Variants in SIRPB2 observed in about 807,000 individuals in gnomAD.
SIRPB2 encodes the protein signal regulatory protein beta 2, also known as signal-regulatory protein beta-2.
In SIRPB2, 18 loss-of-function variants were observed where a neutral mutation model predicts 27.1. That is an observed-to-expected ratio of 0.66 (90% CI 0.46 to 0.98). The LOEUF is 0.98. Ranked by LOEUF, SIRPB2 falls within the 50% of genes least tolerant of loss-of-function variation. The pLI, the probability that SIRPB2 is intolerant of heterozygous loss-of-function variation, is 0.00. For missense variants in SIRPB2, 420 were observed against 417.4 expected (o/e 1.01, Z -0.06); for synonymous variants, 150 against 164.6 (o/e 0.91, Z 0.68).
rs2090596775 is a variant in SIRPB2 at position 1,475,232 on chromosome 20, A to AGAG, written c.*934_*935insCTC. ...GGCTAGCTAGCTGGGCATTGAACTC[A>AGAG]GGTGTCCCACAGGGCAGGTGAGAGG... On this transcript the variant is annotated 3_prime_UTR_variant, in exon 5 of 5. Transcript: ENST00000359801. 6.6e-6 allele frequency: 1 copy of AGAG among 152,314 alleles called. No individual in the cohort carries two copies. The highest frequency in any genetic ancestry group is 2.4e-5 in the African/African-American group (1 of 41,438). 9.4% of individuals were successfully genotyped at this position (152,314 alleles called of 1,614,324 possible). A position where few individuals can be genotyped will look rare whatever the true frequency, so the allele number is the denominator to read the frequency against.
chr20:1,477,006 G>T, intron 4 of SIRPB2: 1 of 1,269,810 alleles, frequency 7.9e-7, no homozygotes, highest in Non-Finnish European at 1.0e-6. Flanking sequence ...CATCCAGGAG[G>T]CTTAGCTACA....
chr20:1,477,542 T>C, intron 3 of SIRPB2, 139 bp from the exon 4 acceptor site: 1 of 1,440,182 alleles, frequency 6.9e-7, no homozygotes, highest in Non-Finnish European at 9.2e-7. Flanking sequence ...CCTGCAGCTA[T>C]GAAGGACAAA....
chr20:1,481,187 A>C (rs59377624), intron 1 of SIRPB2, among the ~76,000 whole-genome samples: 23,946 of 151,896 alleles, frequency 0.16, 3,700 homozygotes, highest in African/African-American at 0.4. Flanking sequence ...TTTATTTTTT[A>C]ATTTTTTTTG....
At chr20:1,477,725 G>C (rs1049413866) in intron 3 of SIRPB2, among the ~76,000 whole-genome samples, 12 of 152,330 alleles carry the variant, frequency 7.9e-5, no homozygotes, top group African/African-American at 2.9e-4. Flanking sequence ...GCCCAGGCTG[G>C]AGTACAAGGG....
rs776294481 is a variant in SIRPB2 at position 1,476,238 on chromosome 20, GC to G, written c.957del (p.Gln320LysfsTer13). ...GGGCCTGTGGTCTTGACATCTTCTT[GC>G]CCAGGGCTCCTCCGAGAGGTAGCCA... The part of the protein sequence containing the change: ...LALATSRRSP[G>X]QEDVKTTGPA... On this transcript the variant is annotated frameshift_variant, in exon 5 of 5. Transcript: ENST00000359801. LOFTEE classifies it low-confidence loss of function (END_TRUNC). The G allele has an allele frequency of 1.5e-5, 25 of 1,613,934 alleles. No individual in the cohort carries two copies. The highest frequency in any genetic ancestry group is 1.2e-4 in the Admixed American group (7 of 59,992).
chr20:1,471,319 T>C (rs1283507542), downstream of SIRPB2, among the ~76,000 whole-genome samples: 1 of 152,210 alleles, frequency 6.6e-6, no homozygotes, highest in Admixed American at 6.5e-5. Flanking sequence ...TGTGCATGCA[T>C]CAGGAGACAC....
At chr20:1,477,179 C>T (rs1216771843) in intron 4 of SIRPB2, 159 bp downstream of exon 4, 1 of 1,597,346 alleles carries the variant, frequency 6.3e-7, no homozygotes, top group South Asian at 1.1e-5. Flanking sequence ...ACATGGTTCT[C>T]TGGGGTCCTA....
chr20:1,478,237 C>T (rs2090627486), intron 3 of SIRPB2, 29 bp downstream of exon 3: 1 of 1,599,330 alleles, frequency 6.3e-7, no homozygotes, highest in Non-Finnish European at 8.5e-7. Flanking sequence ...GCTCCGCTCT[C>T]CCGACAAGTC....
intron 1 of SIRPB2, among the ~76,000 whole-genome samples, chr20:1,486,231 C>T (rs1470679592): frequency 1.3e-5 from 2 of 152,004 alleles, no homozygotes; most frequent in East Asian, 1.9e-4. Context: ...CACCACCATG[C>T]CCGGCTAATT....
chr20:1,490,519 C>T (rs1303999057), intron 1 of SIRPB2, among the ~76,000 whole-genome samples: 1 of 152,102 alleles, frequency 6.6e-6, no homozygotes, highest in Non-Finnish European at 1.5e-5. Flanking sequence ...CTGGCCTGCC[C>T]CTGAGTTAGA....
At chr20:1,491,126 C>T (rs938466179) in intron 1 of SIRPB2, 149 bp downstream of exon 1, 1 of 603,174 alleles carries the variant, frequency 1.7e-6, no homozygotes, top group Non-Finnish European at 2.8e-6. Flanking sequence ...TGGGGGTGCC[C>T]TCTGCCGGAG....
chr20:1,477,303 GGACTCATT>G, intron 4 of SIRPB2, 27 bp downstream of exon 4: 1 of 1,614,184 alleles, frequency 6.2e-7, no homozygotes, highest in South Asian at 1.1e-5. Context: ...TGCCTGTGGG[GGACTCATT>G]GACTCCACTG....
intron 4 of SIRPB2, 178 bp downstream of exon 4, chr20:1,477,160 G>GC: frequency 6.4e-7 from 1 of 1,573,082 alleles, no homozygotes; most frequent in South Asian, 1.1e-5. Flanking sequence ...TTATAGCTGA[G>GC]CTGTTATAAC....
In SIRPB2 at chr20:1,478,354, C is replaced by T. The variant is rs2123014823; in HGVS notation, c.705G>A (p.Glu235=). The change falls in exon 3 of 5, where the codon GAG becomes GAA. Residue 235 remains glutamate, a synonymous_variant. Coordinates refer to ENST00000359801, the MANE Select transcript of SIRPB2 (RefSeq NM_001122962.2). ...TTACACAGTAATAGGTGCCTGCATC[C>T]TCACTGGAGACGTTTTGCAGAAGAA... ...FSILLQNVSS[E]DAGTYYCVKF... 1.2e-6 allele frequency: 2 copies of T among 1,614,214 alleles called. No homozygotes were observed. Among genetic ancestry groups the T allele is most frequent in the East Asian group, 2.2e-5 (1 of 44,876 alleles).
intron 3 of SIRPB2, among the ~76,000 whole-genome samples, chr20:1,477,781 C>G (rs1568643098): frequency 6.6e-6 from 1 of 152,142 alleles, no homozygotes; most frequent in African/African-American, 2.4e-5. Flanking sequence ...GTTCAAGAGA[C>G]TCTCCTGCCT....
chr20:1,490,938 TACTC>T (rs1011812463), intron 1 of SIRPB2, among the ~76,000 whole-genome samples: 2 of 152,204 alleles, frequency 1.3e-5, no homozygotes, highest in African/African-American at 2.4e-5. Context: ...TTCTATTTAA[TACTC>T]ACAGTAGCCC....
chr20:1,487,510 ACCAC>A (rs2090737684), intron 1 of SIRPB2, among the ~76,000 whole-genome samples: 1 of 152,266 alleles, frequency 6.6e-6, no homozygotes, highest in South Asian at 2.1e-4. Context: ...GAAAACTAAT[ACCAC>A]CTGCTTTCAA....
In SIRPB2 at chr20:1,484,604, A is replaced by G. The variant is rs138949021; in HGVS notation, c.86-4539T>C. Among the ~76,000 whole-genome samples the G allele has an allele frequency of 5.8e-3, 883 of 152,294 alleles. 2 individuals are homozygous for G. Among genetic ancestry groups the G allele is most frequent in the Non-Finnish European group, 9.8e-3 (667 of 68,012 alleles). On this transcript the variant is annotated intron_variant, in intron 1 of 4. Transcript: ENST00000359801. ...CAACAGGCACATGAAAAAATGCTCA[A>G]CATTACTAATCATCGGGGAAATGCA...
downstream of SIRPB2, chr20:1,473,230 T>G (rs2090586829): frequency 6.6e-6 from 1 of 152,338 alleles, no homozygotes; most frequent in Non-Finnish European, 1.5e-5. Context: ...GAGTCAGCTT[T>G]CAACCACGTT....
Sources: allele counts gnomAD v4.1 joint callset (sites outside exome capture counted in the v4.1 genomes callset), GRCh38; gene constraint gnomAD v4.1.1; transcripts MANE v1.5; gene names NCBI Gene and HGNC (gene_info 2026-07-23, HGNC 2026-07-21).